BCO1: variants seen among roughly 807,000 people sequenced by gnomAD.
BCO1 encodes the protein beta-carotene oxygenase 1.
A neutral mutation model predicts 56.3 loss-of-function variants in BCO1; 54 were observed. The observed-to-expected ratio is 0.96, with a 90% confidence interval of 0.77 to 1.20. The LOEUF (loss-of-function observed/expected upper bound fraction) is 1.20, where lower values mean the gene tolerates loss of function less well. BCO1 is among the 50% of genes most tolerant of loss of function. BCO1 has a pLI of 0.00. For synonymous variants in BCO1, 318 were observed against 266.1 expected (o/e 1.20, Z -1.90); for missense variants, 801 against 690.9 (o/e 1.16, Z -1.79).
chr16:81,239,722 C>T (rs2151922205), intron 1 of BCO1, among the ~76,000 whole-genome samples: 1 of 152,330 alleles, frequency 6.6e-6, no homozygotes, highest in Non-Finnish European at 1.5e-5. Flanking sequence ...CAGGAACTCA[C>T]AGGTGTGAGC....
intron 2 of BCO1, among the ~76,000 whole-genome samples, chr16:81,254,368 C>G (rs952150842): frequency 1.5e-5 from 2 of 129,480 alleles, no homozygotes; most frequent in African/African-American, 3.0e-5. Context: ...CCAGGCTGGT[C>G]TCGAACTCCT....
At chr16:81,244,717 C>CT (rs55904406) in intron 1 of BCO1, among the ~76,000 whole-genome samples, 3,739 of 129,202 alleles carry the variant, frequency 0.029, 128 homozygotes, top group African/African-American at 0.076. Flanking sequence ...TTGCCCCTAT[C>CT]TTTTTTTTTT....
intron 2 of BCO1, among the ~76,000 whole-genome samples, chr16:81,250,280 C>T (rs1567699976): frequency 6.6e-6 from 1 of 152,154 alleles, no homozygotes; most frequent in Non-Finnish European, 1.5e-5. Flanking sequence ...AACCATTGTG[C>T]AATTCAGCCC....
Position 81,285,617 on chromosome 16 carries a change from A to C in BCO1, c.1285A>C (p.Ser429Arg). ...TGTCTTTGCTACAGGAGTTCAGTGGAGTCCAATCCCAACCAAGGTACTGGT... is the reference window on the plus strand; with the variant it reads ...TGTCTTTGCTACAGGAGTTCAGTGGCGTCCAATCCCAACCAAGGTACTGGT... ...RYVFATGVQW[S>R]PIPTKIIKYD... The change falls in exon 9 of 11, where the codon AGT becomes CGT. Residue 429 changes from serine to arginine, a missense_variant. Coordinates refer to ENST00000258168, the MANE Select transcript of BCO1 (RefSeq NM_017429.3). 1.2e-6 allele frequency: 2 copies of C among 1,608,858 alleles called. No individual in the cohort carries two copies. Among genetic ancestry groups the C allele is most frequent in the Non-Finnish European group, 1.7e-6 (2 of 1,175,128 alleles).
intron 2 of BCO1, among the ~76,000 whole-genome samples, chr16:81,253,471 G>C (rs990065785): frequency 6.6e-6 from 1 of 152,184 alleles, no homozygotes; most frequent in African/African-American, 2.4e-5. Flanking sequence ...TCATATCCAT[G>C]TGGAGATTGA....
intron 1 of BCO1, among the ~76,000 whole-genome samples, chr16:81,243,383 T>C (rs569841886): frequency 6.6e-6 from 1 of 152,322 alleles, no homozygotes; most frequent in African/African-American, 2.4e-5. Context: ...TGCAGTTTCA[T>C]TGCTTACAGT....
At position 81,277,097 on chromosome 16, in the gene BCO1, A is replaced by T. The variant is rs77442200; in HGVS notation, c.1102-3760A>T. Among the ~76,000 whole-genome samples, 103 of 151,946 alleles carry T rather than the reference A, an allele frequency of 6.8e-4. 1 individual carries two copies. The highest frequency in any genetic ancestry group is 5.6e-3 in the South Asian group (27 of 4,800). On this transcript the variant is annotated intron_variant, in intron 7 of 10. Coordinates refer to ENST00000258168, the MANE Select transcript of BCO1 (RefSeq NM_017429.3). The stretch of plus-strand genomic sequence containing the variant: ...AAAAAAAAAAAAAGTAAAATAAAAT[A>T]AAATTAAATTTAAATCGCAACATAT...
intron 2 of BCO1, among the ~76,000 whole-genome samples, chr16:81,256,499 G>GA (rs1280742011): frequency 1.3e-5 from 2 of 152,060 alleles, no homozygotes; most frequent in Non-Finnish European, 2.9e-5. Flanking sequence ...TCTGTAAAAG[G>GA]AAAAAATCTT....
intron 2 of BCO1, among the ~76,000 whole-genome samples, chr16:81,251,284 G>T (rs563409456): frequency 6.6e-6 from 1 of 152,046 alleles, no homozygotes; most frequent in African/African-American, 2.4e-5. Flanking sequence ...AGGGACCAGA[G>T]GTTGTGGTTC....
chr16:81,268,679 A>G (rs72833323), intron 6 of BCO1, among the ~76,000 whole-genome samples: 16,134 of 152,214 alleles, frequency 0.11, 1,347 homozygotes, highest in East Asian at 0.35. Context: ...ATATGTGTAC[A>G]TGTATATGTG....
rs553113373 is a variant in BCO1, at chr16:81,239,119, C to A, written c.64+147C>A. ...GCAACCTCTGCCTCCTGGGTTCAAA[C>A]GATCCTCCCACCACAGCCTCCCGAG... On this transcript the variant is annotated intron_variant, in intron 1 of 10. Coordinates refer to ENST00000258168, the MANE Select transcript of BCO1 (RefSeq NM_017429.3). 5 of 674,454 alleles carry A rather than the reference C, an allele frequency of 7.4e-6. No homozygotes were observed. The East Asian group carries it at 1.4e-4, about 19-fold the overall frequency. The allele number at this position is 674,454 out of a possible 1,614,324, so 41.8% of individuals were successfully genotyped here.
At chr16:81,264,968 T>C (rs187628435) in intron 5 of BCO1, among the ~76,000 whole-genome samples, 181 bp downstream of exon 5, 1 of 152,314 alleles carries the variant, frequency 6.6e-6, no homozygotes, top group East Asian at 1.9e-4. Flanking sequence ...GGATTCCTCT[T>C]GGAAGAAAGA....
intron 7 of BCO1, among the ~76,000 whole-genome samples, chr16:81,278,839 T>C (rs1257303538): frequency 6.6e-6 from 1 of 152,238 alleles, no homozygotes; most frequent in Non-Finnish European, 1.5e-5. Flanking sequence ...TTTCCTTCTC[T>C]AGGCCTCAGT....
Position 81,290,820 on chromosome 16 carries a change from T to C in BCO1, c.*243T>C. The C allele has an allele frequency of 2.2e-6, 1 of 450,434 alleles. No homozygotes were observed. The highest frequency in any genetic ancestry group is 3.9e-6 in the Non-Finnish European group (1 of 253,938). The allele number at this position is 450,434 out of a possible 1,614,324, so 27.9% of individuals were successfully genotyped here. A position where few individuals can be genotyped will look rare whatever the true frequency, so the allele number is the denominator to read the frequency against. On this transcript the variant is annotated 3_prime_UTR_variant, in exon 11 of 11. Coordinates refer to ENST00000258168, the MANE Select transcript of BCO1 (RefSeq NM_017429.3). ...ATGTATTGATTAGATCCAGTCCTTCTAAGAAACCTCCTTTCCTTTAACAAA... is the reference window on the plus strand; with the variant it reads ...ATGTATTGATTAGATCCAGTCCTTCCAAGAAACCTCCTTTCCTTTAACAAA...
intron 10 of BCO1, among the ~76,000 whole-genome samples, chr16:81,290,109 C>G (rs770078442): frequency 4.6e-5 from 7 of 152,172 alleles, no homozygotes; most frequent in Non-Finnish European, 5.9e-5. Flanking sequence ...AGTGATCCGC[C>G]CACCTCTGCT....
At position 81,238,945 on chromosome 16, in the gene BCO1, C is replaced by T. The variant is rs766399680; in HGVS notation, c.37C>T (p.Leu13=). 26 of 1,613,930 alleles carry T rather than the reference C, an allele frequency of 1.6e-5. No homozygotes were observed. In the Admixed American group the frequency reaches 4.3e-4, roughly 27 times the overall value. ...ATTTGGCAGGAATAGGAAAGAACAG[C>T]TGGAGCCTGTGAGGGCCAAAGTGAC... ...IIFGRNRKEQ[L]EPVRAKVTGK... is the part of the protein sequence containing the mutation. Residue 13 remains leucine, a synonymous_variant, in exon 1 of 11, where the codon CTG becomes TTG. Transcript: ENST00000258168.
intron 1 of BCO1, among the ~76,000 whole-genome samples, chr16:81,241,869 A>C (rs1464797274): frequency 6.6e-6 from 1 of 152,128 alleles, no homozygotes; most frequent in African/African-American, 2.4e-5. Flanking sequence ...TGGCTTTGTA[A>C]CTGGCTGTGC....
chr16:81,241,119 C>T (rs1024468095), intron 1 of BCO1, among the ~76,000 whole-genome samples: 2 of 152,078 alleles, frequency 1.3e-5, no homozygotes, highest in Non-Finnish European at 2.9e-5. Flanking sequence ...TAGGCGTGAA[C>T]CACCATGCCC....
rs530676028 is a variant in BCO1 at position 81,250,578 on chromosome 16, C to CTTTT, written c.193+4992_193+4995dup. 5.4e-4 allele frequency among the ~76,000 whole-genome samples: 57 copies of CTTTT among 105,472 alleles called. 1 individual carries two copies. The highest frequency in any genetic ancestry group is 9.6e-4 in the African/African-American group (25 of 26,106). 69.2% of individuals were successfully genotyped at this position (105,472 alleles called of 152,430 possible). The stretch of plus-strand genomic sequence containing the variant: ...TTGTGTGCCTCCTTTCTCAATAAAG[C>CTTTT]TTTTTTTTTTTTTTTTTTTTGAGAT... On this transcript the variant is annotated intron_variant, in intron 2 of 10. Transcript: ENST00000258168.
Sources: gnomAD v4.1 joint callset for allele counts (sites outside exome capture counted in the v4.1 genomes callset) on GRCh38, gnomAD v4.1.1 for gene constraint, MANE v1.5 for transcripts, NCBI Gene and HGNC (gene_info 2026-07-23, HGNC 2026-07-21) for gene names.